Variants in MKLN1 observed in about 807,000 individuals in gnomAD.
MKLN1 encodes muskelin 1.
A neutral mutation model predicts 99.0 loss-of-function variants in MKLN1; 18 were observed. The ratio of observed to expected loss-of-function variants is 0.18; its 90% CI spans 0.13 to 0.27. The LOEUF is 0.27. Among genes scored for constraint, MKLN1 ranks in the 10% least tolerant of loss-of-function variants. MKLN1 has a pLI of 1.00. For missense variants in MKLN1, 621 were observed against 875.9 expected (o/e 0.71, Z 3.67); for synonymous variants, 288 against 293.2 (o/e 0.98, Z 0.18).
intron 3 of MKLN1, among the ~76,000 whole-genome samples, chr7:131,232,688 A>G (rs1797260218): frequency 6.6e-6 from 1 of 152,182 alleles, no homozygotes; most frequent in Admixed American, 6.5e-5. Flanking sequence ...GTACTCCTCA[A>G]TTGAATACAT....
chr7:131,347,887 G>A (rs765727969), intron 1 of MKLN1, among the ~76,000 whole-genome samples: 5 of 152,066 alleles, frequency 3.3e-5, no homozygotes, highest in Non-Finnish European at 7.4e-5. Flanking sequence ...AATGGATACC[G>A]AATTATAAAG....
At chr7:131,121,638 C>CAAAAAAAAAAAAAAAAAAA (rs55908773) in intron 1 of MKLN1, among the ~76,000 whole-genome samples, 11 of 72,804 alleles carry the variant, frequency 1.5e-4, no homozygotes, top group African/African-American at 2.6e-4. Context: ...GACTCCGTCT[C>CAAAAAAAAAAAAAAAAAAA]AAAAAAAAAA....
chr7:131,435,528 A>G (rs1795652596), intron 9 of MKLN1, among the ~76,000 whole-genome samples: 1 of 152,118 alleles, frequency 6.6e-6, no homozygotes, highest in South Asian at 2.1e-4. Flanking sequence ...AGTGCTTGAT[A>G]TAATTTACCA....
chr7:131,225,070 CAAA>C (rs151006219), intron 3 of MKLN1, among the ~76,000 whole-genome samples: 15 of 102,530 alleles, frequency 1.5e-4, no homozygotes, highest in Admixed American at 9.8e-5. Flanking sequence ...GACTGTGTCT[CAAA>C]AAAAAAAAAA....
chr7:131,173,389 G>A (rs1369285591), intron 2 of MKLN1, among the ~76,000 whole-genome samples: 7 of 152,048 alleles, frequency 4.6e-5, no homozygotes, highest in Non-Finnish European at 7.4e-5. Flanking sequence ...GGGACATATC[G>A]GAGTCCTAGA....
At chr7:131,442,928 T>C (rs894562580) in intron 10 of MKLN1, among the ~76,000 whole-genome samples, 1 of 152,266 alleles carries the variant, frequency 6.6e-6, no homozygotes, top group Non-Finnish European at 1.5e-5. Context: ...GGCAGAGTTC[T>C]TCACATTGTA....
In MKLN1 at chr7:131,487,500, G is replaced by A; in HGVS notation, c.2087-107G>A. The A allele has an allele frequency of 1.6e-6, 2 of 1,286,286 alleles. No homozygotes were observed. Among genetic ancestry groups the A allele is most frequent in the Non-Finnish European group, 2.1e-6 (2 of 936,440 alleles). The allele number at this position is 1,286,286 out of a possible 1,614,324, so 79.7% of individuals were successfully genotyped here. The stretch of plus-strand genomic sequence containing the variant: ...TCAGTAGTGTCTGCCTGGTTTTGAA[G>A]CCTGATTTGATTTCTCCATTATAAA... On this transcript the variant is annotated intron_variant, in intron 17 of 17. Coordinates refer to ENST00000352689, the MANE Select transcript of MKLN1 (RefSeq NM_013255.5). This position sits in a 1 kb window ranked among gnomAD's most constrained non-coding sequence, Gnocchi z 4.7.
rs532069947 is a variant in MKLN1 at position 131,433,323 on chromosome 7, A to G, written c.960+4178A>G. On this transcript the variant is annotated intron_variant, in intron 9 of 17. Transcript: ENST00000352689. ...TTAGCAAGAATAACCCATAGATCAC[A>G]TTAGCATCTCCTCCATATATCATAT... Among the ~76,000 whole-genome samples, 3 of 152,332 alleles carry G rather than the reference A, an allele frequency of 2.0e-5. No homozygotes were observed. In the South Asian group the frequency reaches 6.2e-4, roughly 32 times the overall value.
At chr7:131,152,840 T>C (rs1323417220) in intron 2 of MKLN1, among the ~76,000 whole-genome samples, 1 of 152,062 alleles carries the variant, frequency 6.6e-6, no homozygotes, top group Admixed American at 6.5e-5. Flanking sequence ...GATATGTCCC[T>C]TAAATCTCTT....
rs146402735 is a variant in MKLN1, at chr7:131,188,357, A to C, written c.-296-14500A>C. Among the ~76,000 whole-genome samples the C allele has an allele frequency of 2.6e-3, 393 of 152,334 alleles. 2 individuals are homozygous for C. The highest frequency in any genetic ancestry group is 3.5e-3 in the Non-Finnish European group (236 of 68,026). ...CATTTACTATTTCTCGAGTCTGTGA[A>C]TTGGCTGAGAGGTTCTGCTGATCTG... On this transcript the variant is annotated intron_variant, in intron 2 of 7. Coordinates refer to the MKLN1 transcript ENST00000416992.
intron 3 of MKLN1, among the ~76,000 whole-genome samples, chr7:131,284,652 G>A (rs1182274186): frequency 6.6e-6 from 1 of 152,212 alleles, no homozygotes; most frequent in African/African-American, 2.4e-5. Context: ...TACGTGAATA[G>A]GGTGGGCCCT....
chr7:131,487,550 G>GT lies in MKLN1; in HGVS notation c.2087-52dup. 1 of 1,570,282 alleles carries GT rather than the reference G, an allele frequency of 6.4e-7. No individual in the cohort carries two copies. Among genetic ancestry groups the GT allele is most frequent in the Non-Finnish European group, 8.6e-7 (1 of 1,161,002 alleles). On this transcript the variant is annotated intron_variant, in intron 17 of 17. Coordinates refer to ENST00000352689, the MANE Select transcript of MKLN1 (RefSeq NM_013255.5). This position sits in a 1 kb window ranked among gnomAD's most constrained non-coding sequence, Gnocchi z 4.7. ...AATACATTGCTGCTGGTCTCAACTA[G>GT]TTTTTCTGTTACATGTTTTAAACAC...
At chr7:131,195,911 A>G (rs951675302) in intron 2 of MKLN1, among the ~76,000 whole-genome samples, 25 of 152,324 alleles carry the variant, frequency 1.6e-4, no homozygotes, top group African/African-American at 6.0e-4. Context: ...AGATTGCACC[A>G]CTGCACTCAG....
intron 3 of MKLN1, among the ~76,000 whole-genome samples, chr7:131,321,932 C>T (rs779284238): frequency 2.0e-4 from 30 of 152,350 alleles, no homozygotes; most frequent in Non-Finnish European, 4.0e-4. Context: ...CCCAAATGGT[C>T]TGTATGTCCC....
upstream of MKLN1, chr7:131,327,866 A>T: frequency 6.2e-7 from 1 of 1,605,706 alleles, no homozygotes; most frequent in Non-Finnish European, 8.5e-7. Flanking sequence ...GTTCGCTGCC[A>T]GCGGTCGGTG....
intron 3 of MKLN1, among the ~76,000 whole-genome samples, chr7:131,206,694 T>C (rs1055882851): frequency 6.6e-6 from 1 of 152,006 alleles, no homozygotes; most frequent in African/African-American, 2.4e-5. Flanking sequence ...TAGTTAGGAC[T>C]ACAGGCGTGC....
At chr7:131,371,781 T>TATATATATATATAC (rs983329738) in intron 1 of MKLN1, among the ~76,000 whole-genome samples, 21 of 151,198 alleles carry the variant, frequency 1.4e-4, no homozygotes, top group African/African-American at 4.8e-4. Flanking sequence ...TATATATATA[T>TATATATATATATAC]ACACTTAATT....
chr7:131,487,882 T>C lies in MKLN1; in HGVS notation c.*154T>C. ...CCATCACAAGTTTTTACCCTCTTCC[T>C]TCATGCCTGACCTCAACCCCGCTCT... On this transcript the variant is annotated 3_prime_UTR_variant, in exon 18 of 18. Coordinates refer to ENST00000352689, the MANE Select transcript of MKLN1 (RefSeq NM_013255.5). The surrounding 1 kb of genome is among the most constrained non-coding windows in gnomAD (Gnocchi z 4.7). 1.3e-6 allele frequency: 1 copy of C among 791,170 alleles called. No individual in the cohort carries two copies. The allele number at this position is 791,170 out of a possible 1,614,324, so 49.0% of individuals were successfully genotyped here. A position where few individuals can be genotyped will look rare whatever the true frequency, so the allele number is the denominator to read the frequency against.
intron 2 of MKLN1, among the ~76,000 whole-genome samples, chr7:131,160,637 G>C (rs2116311360): frequency 6.7e-6 from 1 of 149,216 alleles, no homozygotes; most frequent in African/African-American, 2.5e-5. Flanking sequence ...TCCCACCTCA[G>C]CCTCCTGAGT....
Sources: allele counts gnomAD v4.1 joint callset (sites outside exome capture counted in the v4.1 genomes callset), GRCh38; gene constraint gnomAD v4.1.1; non-coding constraint Gnocchi (gnomAD v3.1); transcripts MANE v1.5; gene names NCBI Gene and HGNC (gene_info 2026-07-23, HGNC 2026-07-21).